Variants in SCNN1B observed in about 807,000 individuals in gnomAD.
SCNN1B encodes the protein epithelial sodium channel subunit beta.
In SCNN1B, 46 loss-of-function variants were observed where a neutral mutation model predicts 65.3. That is an observed-to-expected ratio of 0.70 (90% confidence interval 0.56 to 0.90). The LOEUF is 0.90. SCNN1B is among the 40% of genes least tolerant of loss of function. SCNN1B has a pLI of 0.00. For synonymous variants in SCNN1B, 349 were observed against 330.6 expected, an observed-to-expected ratio of 1.06 and a Z score of -0.60; for missense variants, 751 against 830.5, an observed-to-expected ratio of 0.90 and a Z score of 1.18.
chr16:23,330,849 C>T (rs1567299629), intron 1 of SCNN1B, among the ~76,000 whole-genome samples: 2 of 152,162 alleles, frequency 1.3e-5, no homozygotes, highest in African/African-American at 4.8e-5. Flanking sequence ...GCATGAGCCA[C>T]CATGCCCGGC....
At chr16:23,368,227 C>T (rs1962712804) in intron 5 of SCNN1B, among the ~76,000 whole-genome samples, 1 of 152,168 alleles carries the variant, frequency 6.6e-6, no homozygotes, top group Non-Finnish European at 1.5e-5. Flanking sequence ...TTGGAAGCAG[C>T]ACAGCTTCGT....
At chr16:23,379,119 A>AGC (rs1567320539) in intron 11 of SCNN1B, among the ~76,000 whole-genome samples, 10 of 114,200 alleles carry the variant, frequency 8.8e-5, no homozygotes, top group African/African-American at 3.4e-4. Flanking sequence ...ATCCACCCAC[A>AGC]CACCCAGCCA....
chr16:23,291,742 A>ATTTT (rs10707900), intron 2 of SCNN1B, among the ~76,000 whole-genome samples: 6 of 131,508 alleles, frequency 4.6e-5, no homozygotes, highest in Non-Finnish European at 8.2e-5. Context: ...CACGCAGCTA[A>ATTTT]TTTTTTTTTT....
chr16:23,343,924 G>A (rs1192256549), intron 1 of SCNN1B, among the ~76,000 whole-genome samples: 4 of 152,164 alleles, frequency 2.6e-5, no homozygotes, highest in Non-Finnish European at 4.4e-5. Flanking sequence ...ATCTATCACC[G>A]TGGGGGTGAA....
chr16:23,365,599 A>AAGAGAGAGAG (rs879897239), intron 4 of SCNN1B, among the ~76,000 whole-genome samples: 1 of 61,530 alleles, frequency 1.6e-5, no homozygotes, highest in Non-Finnish European at 3.3e-5. Context: ...GAAAGAAAGA[A>AAGAGAGAGAG]AGAAAGAAAG....
At chr16:23,307,389 G>C (rs902137767) in intron 1 of SCNN1B, among the ~76,000 whole-genome samples, 1 of 145,624 alleles carries the variant, frequency 6.9e-6, no homozygotes, top group Non-Finnish European at 1.5e-5. Flanking sequence ...GTGTGATCTC[G>C]GCTCACTGCA....
intron 2 of SCNN1B, among the ~76,000 whole-genome samples, chr16:23,291,149 C>T (rs1960918557): frequency 6.6e-6 from 1 of 151,560 alleles, no homozygotes. Flanking sequence ...GCAACCTCCA[C>T]CTCCCAGGTT....
chr16:23,339,702 A>C (rs970204248), intron 1 of SCNN1B, among the ~76,000 whole-genome samples: 15 of 151,972 alleles, frequency 9.9e-5, no homozygotes, highest in Non-Finnish European at 1.9e-4. Context: ...AGTAGCTGGG[A>C]TTACAGGCGT....
rs946900280 is a variant in SCNN1B, at chr16:23,352,458, G to A, written c.312-343G>A. ...GATTAGATCATACGGGCGGCTTTCC[G>A]CATGCTGTGTTCGTGATAGTGAGTG... is the stretch of plus-strand genomic sequence containing the variant. On this transcript the variant is annotated intron_variant, in intron 2 of 12. Coordinates refer to ENST00000343070, the MANE Select transcript of SCNN1B (RefSeq NM_000336.3). 3.9e-5 allele frequency among the ~76,000 whole-genome samples: 6 copies of A among 152,200 alleles called. No homozygotes were observed. The South Asian group carries it at 8.3e-4, about 21-fold the overall frequency.
intron 1 of SCNN1B, among the ~76,000 whole-genome samples, chr16:23,282,578 G>A (rs1030423774): frequency 1.3e-5 from 2 of 152,178 alleles, no homozygotes; most frequent in Non-Finnish European, 2.9e-5. Flanking sequence ...TGAGGTAGGA[G>A]GCATGACTCC....
intron 4 of SCNN1B, 83 bp from the exon 5 acceptor site, chr16:23,367,773 G>A: frequency 9.2e-7 from 1 of 1,089,398 alleles, no homozygotes; most frequent in Non-Finnish European, 1.4e-6. Flanking sequence ...CTCCAAGGAG[G>A]AAATGAAAGG....
At chr16:23,305,569 TA>T (rs1961192906) in intron 1 of SCNN1B, among the ~76,000 whole-genome samples, 7 of 44,560 alleles carry the variant, frequency 1.6e-4, no homozygotes, top group Non-Finnish European at 3.4e-4. Context: ...TATATATATA[TA>T]TATATATTAT....
rs11399911 is a variant in SCNN1B at position 23,365,620 on chromosome 16, A to AGAGAAAGAAAGAAAGAAAG, written c.777-2236_777-2235insGAGAAAGAAAGAAAGAAAG. ...AAGAAAGAAAGAAAGAAAGAAAGAA[A>AGAGAAAGAAAGAAAGAAAG]AAAGAAAGAAGTCACATCTTGGAAG... On this transcript the variant is annotated intron_variant, in intron 4 of 12. Transcript: ENST00000343070. Among the ~76,000 whole-genome samples, 40 of 80,494 alleles carry AGAGAAAGAAAGAAAGAAAG rather than the reference A, an allele frequency of 5.0e-4. 1 individual carries two copies. Among genetic ancestry groups the AGAGAAAGAAAGAAAGAAAG allele is most frequent in the East Asian group, 1.6e-3 (4 of 2,580 alleles). 52.8% of individuals were successfully genotyped at this position (80,494 alleles called of 152,430 possible). A position where few individuals can be genotyped will look rare whatever the true frequency, so the allele number is the denominator to read the frequency against.
chr16:23,380,304 C>A lies in SCNN1B; in HGVS notation c.1543-117C>A, dbSNP rs1383709832. On this transcript the variant is annotated intron_variant, in intron 12 of 12. Transcript: ENST00000343070. This position sits in a 1 kb window ranked among gnomAD's most constrained non-coding sequence, Gnocchi z 5.4. ...GACAGTCCCAAGTTATTCCCCTGGG[C>A]CAAGATGGTCACCCCCTCCCGTTCC... 2.2e-5 allele frequency: 34 copies of A among 1,545,442 alleles called. No homozygotes were observed. Among genetic ancestry groups the A allele is most frequent in the Middle Eastern group, 2.0e-4 (1 of 4,980 alleles).
Position 23,380,350 on chromosome 16 carries a change from G to C in SCNN1B, c.1543-71G>C. 1 of 1,611,336 alleles carries C rather than the reference G, an allele frequency of 6.2e-7. No homozygotes were observed. The highest frequency in any genetic ancestry group is 8.5e-7 in the Non-Finnish European group (1 of 1,178,722). ...GTTCCCACCCAAGAATCACCTCCCA[G>C]GAAGCTGTGAGGCTGGGCTAGAGGC... On this transcript the variant is annotated intron_variant, in intron 12 of 12. Transcript: ENST00000343070. The surrounding 1 kb of genome is among the most constrained non-coding windows in gnomAD (Gnocchi z 5.4).
rs1191618996 is a variant in SCNN1B at position 23,293,114 on chromosome 16, C to CAAAAAAAAAAAAA, written n.178+9326_178+9338dup. Reference sequence around the variant, plus strand: ...TGGGCAATACAGGGAGACTCATTCTCAAAAAAAAAAAAAAAAAAAAAAAAA... The same window carrying CAAAAAAAAAAAAA: ...TGGGCAATACAGGGAGACTCATTCTCAAAAAAAAAAAAAAAAAAAAAAAAAAAAAAAAAAAAAA... On this transcript the variant is annotated intron_variant and non_coding_transcript_variant, in intron 2 of 3. Coordinates refer to the SCNN1B transcript ENST00000569789. Among the ~76,000 whole-genome samples, 74 of 34,180 alleles carry CAAAAAAAAAAAAA rather than the reference C, an allele frequency of 2.2e-3. 18 individuals carry two copies. Among genetic ancestry groups the CAAAAAAAAAAAAA allele is most frequent in the Non-Finnish European group, 3.6e-3 (57 of 15,856 alleles). The allele number at this position is 34,180 out of a possible 152,430, so 22.4% of individuals were successfully genotyped here.
Position 23,380,559 on chromosome 16 carries a change from A to G in SCNN1B, c.1681A>G (p.Ser561Gly). 6.2e-7 allele frequency: 1 copy of G among 1,614,206 alleles called. No individual in the cohort carries two copies. The highest frequency in any genetic ancestry group is 8.5e-7 in the Non-Finnish European group (1 of 1,180,026). The change falls in exon 13 of 13, where the codon AGC becomes GGC. Residue 561 changes from serine to glycine, a missense_variant. Ser to Gly is a moderately conservative substitution (Grantham distance 56). Transcript: ENST00000343070. The surrounding 1 kb of genome is among the most constrained non-coding windows in gnomAD (Gnocchi z 5.4). ...CATCAAGCTGGTGGCCTTGGCCAAG[A>G]GCCTACGGCAGCGGCGAGCCCAAGC... ...TIIKLVALAK[S>G]LRQRRAQASY...
At chr16:23,333,910 A>T (rs192817608) in intron 1 of SCNN1B, among the ~76,000 whole-genome samples, 113 of 152,320 alleles carry the variant, frequency 7.4e-4, no homozygotes, top group Middle Eastern at 6.8e-3. Flanking sequence ...TGGCAGAACC[A>T]GACCCTAACT....
chr16:23,353,246 T>A (rs1962349884), intron 3 of SCNN1B, 172 bp downstream of exon 3: 2 of 721,734 alleles, frequency 2.8e-6, no homozygotes, highest in Non-Finnish European at 4.6e-6. Flanking sequence ...GGCATGTTAG[T>A]CAAGACTCCT....
Sources: allele counts gnomAD v4.1 joint callset (sites outside exome capture counted in the v4.1 genomes callset), GRCh38; gene constraint gnomAD v4.1.1; non-coding constraint Gnocchi (gnomAD v3.1); transcripts MANE v1.5; gene names NCBI Gene and HGNC (gene_info 2026-07-23, HGNC 2026-07-21).